The following GALNTL6 variants were observed in gnomAD, a reference collection of about 807,000 sequenced individuals.
The protein encoded by GALNTL6 is polypeptide N-acetylgalactosaminyltransferase-like 6.
Under a neutral mutation model 73.7 loss-of-function variants are expected in GALNTL6, and 46 were observed. The observed-to-expected ratio is 0.62, with a 90% confidence interval of 0.49 to 0.80. The LOEUF (loss-of-function observed/expected upper bound fraction) is 0.80, where lower values mean the gene tolerates loss of function less well. Among genes scored for constraint, GALNTL6 ranks in the 30% least tolerant of loss-of-function variants. GALNTL6 has a pLI of 0.00. For synonymous variants in GALNTL6, 259 were observed against 263.7 expected (o/e 0.98, Z 0.17); for missense variants, 604 against 755.0 (o/e 0.80, Z 2.34).
chr4:172,604,404 C>T (rs1738182759), intron 5 of GALNTL6, among the ~76,000 whole-genome samples: 1 of 152,108 alleles, frequency 6.6e-6, no homozygotes, highest in South Asian at 2.1e-4. Context: ...CTAGTGAGAG[C>T]TGTCCAGAGA....
At chr4:171,952,191 A>G (rs1279243963) in intron 2 of GALNTL6, among the ~76,000 whole-genome samples, 1 of 151,952 alleles carries the variant, frequency 6.6e-6, no homozygotes, top group African/African-American at 2.4e-5. Flanking sequence ...ATGTCAATAA[A>G]TTTAAAGGCA....
At chr4:172,144,684 G>T (rs1187255274) in intron 2 of GALNTL6, among the ~76,000 whole-genome samples, 1 of 152,162 alleles carries the variant, frequency 6.6e-6, no homozygotes, top group Non-Finnish European at 1.5e-5. Flanking sequence ...TAGTATGGTA[G>T]TCTTTCCTCT....
At chr4:172,382,766 T>A (rs1743329514) in intron 5 of GALNTL6, among the ~76,000 whole-genome samples, 1 of 152,034 alleles carries the variant, frequency 6.6e-6, no homozygotes, top group Non-Finnish European at 1.5e-5. Flanking sequence ...TAGGTTCATT[T>A]TTGCCTATTG....
At chr4:172,269,612 GAA>G (rs909082543) in intron 3 of GALNTL6, among the ~76,000 whole-genome samples, 1 of 152,072 alleles carries the variant, frequency 6.6e-6, no homozygotes, top group African/African-American at 2.4e-5. Context: ...CCTTGATTTA[GAA>G]AGACTCTTTT....
intron 5 of GALNTL6, among the ~76,000 whole-genome samples, chr4:172,544,464 C>T (rs553034385): frequency 3.4e-4 from 52 of 152,226 alleles, no homozygotes; most frequent in African/African-American, 1.2e-3. Flanking sequence ...TCCAAACTCT[C>T]CTGTTAACCT....
chr4:171,885,284 C>A (rs1736576985), intron 2 of GALNTL6, among the ~76,000 whole-genome samples: 1 of 152,114 alleles, frequency 6.6e-6, no homozygotes, highest in Non-Finnish European at 1.5e-5. Flanking sequence ...AATTTCATGT[C>A]ATTTGCCCTT....
At position 172,082,723 on chromosome 4, in the gene GALNTL6, G is replaced by A. The variant is rs187692326; in HGVS notation, c.139-146933G>A. Among the ~76,000 whole-genome samples, 24 of 152,168 alleles carry A rather than the reference G, an allele frequency of 1.6e-4. No homozygotes were observed. In the East Asian group the frequency reaches 2.9e-3, roughly 18 times the overall value. Reference sequence around the variant, plus strand: ...ACAGAAAATATTTTACTTTAATGGCGGTCACATGAGATTTTAGCAAGAATC... The same window carrying A: ...ACAGAAAATATTTTACTTTAATGGCAGTCACATGAGATTTTAGCAAGAATC... On this transcript the variant is annotated intron_variant, in intron 2 of 12. Coordinates refer to ENST00000506823, the MANE Select transcript of GALNTL6 (RefSeq NM_001034845.3).
chr4:172,482,051 G>C (rs944063690), intron 5 of GALNTL6, among the ~76,000 whole-genome samples: 2 of 152,236 alleles, frequency 1.3e-5, no homozygotes, highest in African/African-American at 4.8e-5. Context: ...GAGAATTCGA[G>C]CGCAGCGCAG....
intron 2 of GALNTL6, among the ~76,000 whole-genome samples, chr4:172,059,981 G>T (rs2110878814): frequency 6.6e-6 from 1 of 152,256 alleles, no homozygotes; most frequent in South Asian, 2.1e-4. Flanking sequence ...GAAGACTGTA[G>T]GGAATTTGAA....
intron 2 of GALNTL6, among the ~76,000 whole-genome samples, chr4:172,074,551 C>CT (rs71592047): frequency 0.47 from 70,187 of 150,080 alleles, 16,718 homozygotes; most frequent in Non-Finnish European, 0.5. Flanking sequence ...GCTTTACAAA[C>CT]TTTTTTTTTT....
intron 5 of GALNTL6, among the ~76,000 whole-genome samples, chr4:172,371,721 C>T (rs1186310704): frequency 6.6e-6 from 1 of 152,050 alleles, no homozygotes; most frequent in African/African-American, 2.4e-5. Flanking sequence ...GTCTCTTTCT[C>T]TCTTTCCTTC....
intron 5 of GALNTL6, among the ~76,000 whole-genome samples, chr4:172,704,463 T>G (rs927464592): frequency 4.6e-5 from 7 of 152,034 alleles, no homozygotes; most frequent in African/African-American, 1.7e-4. Flanking sequence ...CCTTTGATTG[T>G]TTAAGAGCAT....
intron 5 of GALNTL6, among the ~76,000 whole-genome samples, chr4:172,781,763 A>G (rs1230221324): frequency 1.3e-5 from 2 of 152,110 alleles, no homozygotes; most frequent in Non-Finnish European, 2.9e-5. Flanking sequence ...GATTGCCTTT[A>G]GAGAGGGAAA....
At chr4:172,273,343 C>T (rs543047938) in intron 3 of GALNTL6, among the ~76,000 whole-genome samples, 1 of 152,192 alleles carries the variant, frequency 6.6e-6, no homozygotes, top group East Asian at 1.9e-4. Flanking sequence ...AGGCAAAAAT[C>T]GGTTGGCAAA....
Position 172,215,318 on chromosome 4 carries a change from C to T in GALNTL6, c.139-14338C>T, listed in dbSNP as rs542035066. On this transcript the variant is annotated intron_variant, in intron 2 of 12. Transcript: ENST00000506823. ...TCTATCTTTACTAGTTTTCTGCCTACTTGATATATCAATTAATAAAGAGAG... is the reference window on the plus strand; with the variant it reads ...TCTATCTTTACTAGTTTTCTGCCTATTTGATATATCAATTAATAAAGAGAG... 1.2e-4 allele frequency among the ~76,000 whole-genome samples: 19 copies of T among 152,226 alleles called. No homozygotes were observed. In the South Asian group the frequency reaches 1.4e-3, roughly 12 times the overall value.
At position 172,044,776 on chromosome 4, in the gene GALNTL6, T is replaced by C. The variant is rs147693012; in HGVS notation, c.139-184880T>C. On this transcript the variant is annotated intron_variant, in intron 2 of 12. Coordinates refer to ENST00000506823, the MANE Select transcript of GALNTL6 (RefSeq NM_001034845.3). ...CCTCAGACACTTGCCTTTGAAATTGTGATAATTTCAAATAATAAGGCATAC... is the reference window on the plus strand; with the variant it reads ...CCTCAGACACTTGCCTTTGAAATTGCGATAATTTCAAATAATAAGGCATAC... Among the ~76,000 whole-genome samples, 222 of 152,180 alleles carry C rather than the reference T, an allele frequency of 1.5e-3. 1 individual carries two copies. Among genetic ancestry groups the C allele is most frequent in the Admixed American group, 5.5e-3 (84 of 15,264 alleles).
intron 2 of GALNTL6, among the ~76,000 whole-genome samples, chr4:172,051,055 A>T (rs1730843883): frequency 6.6e-6 from 1 of 152,180 alleles, no homozygotes; most frequent in Non-Finnish European, 1.5e-5. Flanking sequence ...TTTATGATGC[A>T]CTGTCATCAA....
At chr4:173,027,885 A>G (rs1753297674) in intron 12 of GALNTL6, among the ~76,000 whole-genome samples, 1 of 152,360 alleles carries the variant, frequency 6.6e-6, no homozygotes, top group African/African-American at 2.4e-5. Flanking sequence ...TTTATATACT[A>G]GCAACAAAAA....
At chr4:172,826,430 C>T (rs1742272082) in intron 7 of GALNTL6, among the ~76,000 whole-genome samples, 1 of 152,216 alleles carries the variant, frequency 6.6e-6, no homozygotes, top group Admixed American at 6.5e-5. Context: ...AGGAAGCCCA[C>T]ACATCTAATT....
Sources: allele counts gnomAD v4.1 joint callset (sites outside exome capture counted in the v4.1 genomes callset), GRCh38; gene constraint gnomAD v4.1.1; transcripts MANE v1.5; gene names NCBI Gene and HGNC (gene_info 2026-07-23, HGNC 2026-07-21).